Variants in HRH2 observed in about 807,000 individuals in gnomAD.
HRH2 encodes histamine receptor H2.
HRH2 carries 4 observed loss-of-function variants against 20.1 expected under a neutral mutation model. That is an observed-to-expected ratio of 0.20 (90% CI 0.10 to 0.45). The LOEUF (loss-of-function observed/expected upper bound fraction) is 0.45, where lower values mean the gene tolerates loss of function less well. Ranked by LOEUF, HRH2 falls within the 20% of genes least tolerant of loss-of-function variation. The pLI, the probability that HRH2 is intolerant of heterozygous loss-of-function variation, is 0.99. For synonymous variants in HRH2, 197 were observed against 200.7 expected (o/e 0.98, Z 0.16); for missense variants, 250 against 461.6 (o/e 0.54, Z 4.20).
chr5:175,672,288 G>A (rs1402265449), intron 1 of HRH2, among the ~76,000 whole-genome samples: 1 of 152,080 alleles, frequency 6.6e-6, no homozygotes, highest in East Asian at 1.9e-4. Flanking sequence ...AGGGATGTGG[G>A]CTTCTCTGAA....
rs1365850605 is a variant in HRH2 at position 175,687,723 on chromosome 5, C to G, written c.1076+3414C>G. On this transcript the variant is annotated intron_variant, in intron 2 of 2. Transcript: ENST00000636584. The surrounding 1 kb of genome is among the most constrained non-coding windows in gnomAD (Gnocchi z 5.2). ...CTCCCCTGCCTCCTCTCAGATACCC[C>G]TGCTCCCAGCCGCTCCCTGTCTGCT... Among the ~76,000 whole-genome samples, 1 of 152,156 alleles carries G rather than the reference C, an allele frequency of 6.6e-6. No individual in the cohort carries two copies. Among genetic ancestry groups the G allele is most frequent in the African/African-American group, 2.4e-5 (1 of 41,434 alleles).
At chr5:175,685,492 T>C (rs1474769751) in intron 2 of HRH2, 1 of 1,546,662 alleles carries the variant, frequency 6.5e-7, no homozygotes, top group East Asian at 2.4e-5. Flanking sequence ...TTTGCAAACA[T>C]TCATCCAATT....
chr5:175,671,834 A>G (rs1755553903), intron 1 of HRH2, among the ~76,000 whole-genome samples: 1 of 152,154 alleles, frequency 6.6e-6, no homozygotes, highest in African/African-American at 2.4e-5. Context: ...CCTCCAAAAG[A>G]AAGAGGGTGT....
intron 1 of HRH2, among the ~76,000 whole-genome samples, chr5:175,663,924 C>T (rs1350395249): frequency 6.6e-6 from 1 of 152,252 alleles, no homozygotes; most frequent in Non-Finnish European, 1.5e-5. Flanking sequence ...AGAAGTGGGA[C>T]TGGCTGATTG....
rs375956138 is a variant in HRH2, at chr5:175,682,956, T to C, written c.-278T>C. 17 of 397,902 alleles carry C rather than the reference T, an allele frequency of 4.3e-5. No individual in the cohort carries two copies. Among genetic ancestry groups the C allele is most frequent in the African/African-American group, 2.8e-4 (14 of 49,364 alleles). The allele number at this position is 397,902 out of a possible 1,614,324, so 24.6% of individuals were successfully genotyped here. On this transcript the variant is annotated 5_prime_UTR_variant, in exon 2 of 3. It removes an upstream start codon present in the reference 5' UTR. Coordinates refer to ENST00000636584, the MANE Select transcript of HRH2 (RefSeq NM_001367711.1). Reference sequence around the variant, plus strand: ...CGTCTGAGGACTGGAGTTTGATCCATGAACCTGGCTTCGAGGCCTTGCTTT... The same window carrying C: ...CGTCTGAGGACTGGAGTTTGATCCACGAACCTGGCTTCGAGGCCTTGCTTT...
chr5:175,702,759 G>A (rs1436802117), intron 2 of HRH2, among the ~76,000 whole-genome samples: 1 of 145,564 alleles, frequency 6.9e-6, no homozygotes, highest in African/African-American at 2.6e-5. Flanking sequence ...TAGTAGAGAT[G>A]GGGTTTCACC....
rs145106355 is a variant in HRH2 at position 175,674,423 on chromosome 5, C to T, written c.-525-8286C>T. 5.1e-3 allele frequency among the ~76,000 whole-genome samples: 780 copies of T among 152,250 alleles called. 2 individuals are homozygous for T. The highest frequency in any genetic ancestry group is 6.8e-3 in the Middle Eastern group (2 of 294). The stretch of plus-strand genomic sequence containing the variant: ...CTCGGGAAATGGAAGTGGCCAGGGT[C>T]CTTGCTTCAAGTCCAGGTCCCCCTC... On this transcript the variant is annotated intron_variant, in intron 1 of 2. Transcript: ENST00000636584.
chr5:175,689,714 A>G (rs911985210), intron 2 of HRH2, among the ~76,000 whole-genome samples: 1 of 152,246 alleles, frequency 6.6e-6, no homozygotes, highest in Admixed American at 6.5e-5. Context: ...GCTCTGAATC[A>G]TAGAACCTCG....
intron 1 of HRH2, among the ~76,000 whole-genome samples, chr5:175,662,198 A>G (rs1581401606): frequency 1.3e-5 from 2 of 152,116 alleles, no homozygotes; most frequent in African/African-American, 4.8e-5. Context: ...ATAATATTTG[A>G]AATAGATCAG....
chr5:175,669,270 C>T (rs1489703776), intron 1 of HRH2, among the ~76,000 whole-genome samples: 2 of 152,188 alleles, frequency 1.3e-5, no homozygotes, highest in East Asian at 3.8e-4. Context: ...TCTTTCATCC[C>T]TGCCACCGTA....
At chr5:175,699,299 G>A (rs934362655) in intron 2 of HRH2, among the ~76,000 whole-genome samples, 1 of 152,196 alleles carries the variant, frequency 6.6e-6, no homozygotes, top group African/African-American at 2.4e-5. Flanking sequence ...AAATAAGTAT[G>A]GCCTAGAGAA....
rs75605751 is a variant in HRH2, at chr5:175,675,582, G to T, written c.-525-7127G>T. On this transcript the variant is annotated intron_variant, in intron 1 of 2. Coordinates refer to ENST00000636584, the MANE Select transcript of HRH2 (RefSeq NM_001367711.1). ...TGAGAGGAGAGGATGGGCCCTGAGGGCTATGAGCTTGGAGGTAGAGGACTT... is the reference window on the plus strand; with the variant it reads ...TGAGAGGAGAGGATGGGCCCTGAGGTCTATGAGCTTGGAGGTAGAGGACTT... Among the ~76,000 whole-genome samples, 51 of 152,318 alleles carry T rather than the reference G, an allele frequency of 3.3e-4. 1 individual carries two copies. The East Asian group carries it at 4.2e-3, about 13-fold the overall frequency.
In HRH2 at chr5:175,686,147, A is replaced by C. The variant is rs147257986; in HGVS notation, c.1076+1838A>C. The C allele has an allele frequency of 6.6e-3, 1,000 of 152,332 alleles. 3 individuals carry two copies. Among genetic ancestry groups the C allele is most frequent in the Non-Finnish European group, 1.0e-2 (679 of 68,006 alleles). The allele number at this position is 152,332 out of a possible 1,614,324, so 9.4% of individuals were successfully genotyped here. On this transcript the variant is annotated intron_variant, in intron 2 of 2. Coordinates refer to ENST00000636584, the MANE Select transcript of HRH2 (RefSeq NM_001367711.1). The surrounding 1 kb of genome is among the most constrained non-coding windows in gnomAD (Gnocchi z 4.7). ...GATGGGTAAAACGCCCACCTACCATATCCTTGCGCAATCTCTTATTCAGGA... is the reference window on the plus strand; with the variant it reads ...GATGGGTAAAACGCCCACCTACCATCTCCTTGCGCAATCTCTTATTCAGGA...
intron 1 of HRH2, among the ~76,000 whole-genome samples, chr5:175,679,353 A>T (rs1376585580): frequency 6.6e-6 from 1 of 152,190 alleles, no homozygotes; most frequent in Admixed American, 6.5e-5. Context: ...AGGTGAGTAC[A>T]AGGGAGGTAG....
At chr5:175,689,892 C>A (rs879274496) in intron 2 of HRH2, among the ~76,000 whole-genome samples, 1 of 152,180 alleles carries the variant, frequency 6.6e-6, no homozygotes, top group African/African-American at 2.4e-5. Flanking sequence ...CTGGTTTGGC[C>A]AGAAGTCAGG....
intron 1 of HRH2, among the ~76,000 whole-genome samples, chr5:175,672,898 C>T (rs148368384): frequency 0.016 from 2,473 of 152,294 alleles, 27 homozygotes; most frequent in Middle Eastern, 0.027. Flanking sequence ...TCCAGGTCAT[C>T]AGCAGGTCAC....
chr5:175,684,395 G>T, intron 2 of HRH2, 86 bp downstream of exon 2: 1 of 1,528,422 alleles, frequency 6.5e-7, no homozygotes, highest in South Asian at 1.3e-5. Flanking sequence ...CTGCTGTTTA[G>T]GTGGTGCTGG....
At chr5:175,690,550 C>T (rs1756334343) in intron 2 of HRH2, among the ~76,000 whole-genome samples, 1 of 152,128 alleles carries the variant, frequency 6.6e-6, no homozygotes, top group Admixed American at 6.5e-5. Flanking sequence ...TGCCTGCCTG[C>T]CTGCCTGCCT....
intron 1 of HRH2, among the ~76,000 whole-genome samples, chr5:175,679,083 A>G (rs1755864067): frequency 6.6e-6 from 1 of 152,182 alleles, no homozygotes. Context: ...CTGTCTGCCA[A>G]GTTCTACCTC....
Sources: gnomAD v4.1 joint callset for allele counts (sites outside exome capture counted in the v4.1 genomes callset) on GRCh38, gnomAD v4.1.1 for gene constraint, Gnocchi (gnomAD v3.1) non-coding constraint, MANE v1.5 for transcripts, NCBI Gene and HGNC (gene_info 2026-07-23, HGNC 2026-07-21) for gene names.